Variants in CYP3A7 observed in about 807,000 individuals in gnomAD.
The protein encoded by CYP3A7 is cytochrome P450 3A7.
CYP3A7 carries 45 observed loss-of-function variants against 55.2 expected under a neutral mutation model. That is an observed-to-expected ratio of 0.82 (90% CI 0.64 to 1.05). The LOEUF is 1.05. Ranked by LOEUF, CYP3A7 falls within the 50% of genes least tolerant of loss-of-function variation. The pLI, the probability that CYP3A7 is intolerant of heterozygous loss-of-function variation, is 0.00. For missense variants in CYP3A7, 548 were observed against 605.3 expected (o/e 0.91, Z 0.99); for synonymous variants, 180 against 207.4 (o/e 0.87, Z 1.13).
chr7:99,712,650 T>TGATA (rs138482797), intron 9 of CYP3A7, among the ~76,000 whole-genome samples: 1 of 152,110 alleles, frequency 6.6e-6, no homozygotes, highest in African/African-American at 2.4e-5. Context: ...GATGGACAGA[T>TGATA]GATAGATAGA....
chr7:99,733,463 T>C (rs1477681417), intron 1 of CYP3A7, among the ~76,000 whole-genome samples: 1 of 152,182 alleles, frequency 6.6e-6, no homozygotes, highest in Non-Finnish European at 1.5e-5. Flanking sequence ...ATCTATTGCA[T>C]GTAATTGTAT....
intron 1 of CYP3A7, among the ~76,000 whole-genome samples, chr7:99,731,745 G>A (rs1030779376): frequency 1.6e-4 from 25 of 152,216 alleles, no homozygotes; most frequent in African/African-American, 5.3e-4. Context: ...GAGAGGTCTT[G>A]GAGGAGTCAC....
intron 2 of CYP3A7, among the ~76,000 whole-genome samples, chr7:99,726,357 C>T (rs779959636): frequency 1.4e-4 from 22 of 152,184 alleles, no homozygotes; most frequent in Non-Finnish European, 3.2e-4. Flanking sequence ...ATAATTCCCC[C>T]ATCTTACCTG....
intron 1 of CYP3A7, among the ~76,000 whole-genome samples, chr7:99,733,493 T>A (rs1814707504): frequency 6.6e-6 from 1 of 152,208 alleles, no homozygotes; most frequent in Non-Finnish European, 1.5e-5. Flanking sequence ...AAGGGCATGG[T>A]CTACACTATA....
At chr7:99,731,394 A>C (rs572683984) in intron 1 of CYP3A7, among the ~76,000 whole-genome samples, 105 of 152,338 alleles carry the variant, frequency 6.9e-4, no homozygotes, top group African/African-American at 2.4e-3. Flanking sequence ...TCATGGCCCC[A>C]GTCTGGGATG....
At chr7:99,728,109 C>T (rs1056097557) in intron 2 of CYP3A7, among the ~76,000 whole-genome samples, 2 of 152,182 alleles carry the variant, frequency 1.3e-5, no homozygotes, top group African/African-American at 2.4e-5. Flanking sequence ...TTTACTCTCC[C>T]ACTGAAGTTT....
intron 2 of CYP3A7, among the ~76,000 whole-genome samples, chr7:99,728,354 C>G (rs1814493533): frequency 1.3e-5 from 2 of 152,208 alleles, no homozygotes; most frequent in African/African-American, 2.4e-5. Flanking sequence ...CCCATTCCCC[C>G]TTCTTGTTTA....
Position 99,705,359 on chromosome 7 carries a change from G to T in CYP3A7, c.*141C>A. 8.4e-6 allele frequency: 8 copies of T among 953,560 alleles called. No homozygotes were observed. Among genetic ancestry groups the T allele is most frequent in the African/African-American group, 1.6e-5 (1 of 61,510 alleles). 59.1% of individuals were successfully genotyped at this position (953,560 alleles called of 1,614,324 possible). On this transcript the variant is annotated 3_prime_UTR_variant, in exon 13 of 13. Coordinates refer to ENST00000336374, the MANE Select transcript of CYP3A7 (RefSeq NM_000765.5). ...CAGACCATGAGAGAGCACAATGCAC[G>T]TACAGAATCCCTGATTATTTATGCA... is the stretch of plus-strand genomic sequence containing the variant.
At chr7:99,734,214 G>A (rs1814738030) in intron 1 of CYP3A7, among the ~76,000 whole-genome samples, 1 of 152,190 alleles carries the variant, frequency 6.6e-6, no homozygotes, top group Admixed American at 6.5e-5. Context: ...TGTATTTTCT[G>A]TTTCCATGTG....
chr7:99,705,381 T>G lies in CYP3A7; in HGVS notation c.*119A>C, dbSNP rs1405372834. ...CACGTACAGAATCCCTGATTATTTA[T>G]GCAGCACATTGGATGAAGCCCGTCT... is the stretch of plus-strand genomic sequence containing the variant. On this transcript the variant is annotated 3_prime_UTR_variant, in exon 13 of 13. Coordinates refer to ENST00000336374, the MANE Select transcript of CYP3A7 (RefSeq NM_000765.5). 8.8e-7 allele frequency: 1 copy of G among 1,130,896 alleles called. No individual in the cohort carries two copies. The highest frequency in any genetic ancestry group is 2.5e-5 in the East Asian group (1 of 40,566). The allele number at this position is 1,130,896 out of a possible 1,614,324, so 70.1% of individuals were successfully genotyped here. A position where few individuals can be genotyped will look rare whatever the true frequency, so the allele number is the denominator to read the frequency against.
At chr7:99,720,525 A>G in intron 3 of CYP3A7, 113 bp from the exon 4 acceptor site, 1 of 1,142,910 alleles carries the variant, frequency 8.7e-7, no homozygotes, top group South Asian at 1.3e-5. Context: ...TAGATGTACA[A>G]TACACAGTAA....
At chr7:99,734,822 A>G (rs1200709489) in intron 1 of CYP3A7, among the ~76,000 whole-genome samples, 1 of 152,008 alleles carries the variant, frequency 6.6e-6, no homozygotes, top group Non-Finnish European at 1.5e-5. Flanking sequence ...GGGTTTCACC[A>G]TATTAGCCAG....
chr7:99,709,258 G>A lies in CYP3A7; in HGVS notation c.1030C>T (p.Pro344Ser), dbSNP rs1227732649. The A allele has an allele frequency of 1.2e-6, 2 of 1,613,672 alleles. No individual in the cohort carries two copies. Among genetic ancestry groups the A allele is most frequent in the Non-Finnish European group, 1.7e-6 (2 of 1,179,840 alleles). Reference sequence around the variant, plus strand: ...TGTAGCACAGTATCATAGGTGGGTGGTGCCTGAAAAGAAAGAAACAGATTT... The same window carrying A: ...TGTAGCACAGTATCATAGGTGGGTGATGCCTGAAAAGAAAGAAACAGATTT... Reference protein sequence around the residue: ...EIDTVLPNKAPPTYDTVLQLE... With the variant: ...EIDTVLPNKASPTYDTVLQLE... The change falls in exon 11 of 13, where the codon CCA (proline) becomes TCA (serine). Residue 344 changes from proline (P) to serine (S), a missense_variant. Transcript: ENST00000336374.
intron 4 of CYP3A7, among the ~76,000 whole-genome samples, chr7:99,718,009 C>T (rs1228284130): frequency 2.0e-5 from 3 of 151,968 alleles, no homozygotes; most frequent in Non-Finnish European, 4.4e-5. Flanking sequence ...TTTATGTTCA[C>T]CTAAACCATG....
At chr7:99,709,355 G>T in intron 10 of CYP3A7, 94 bp from the exon 11 acceptor site, 1 of 1,525,330 alleles carries the variant, frequency 6.6e-7, no homozygotes, top group Non-Finnish European at 8.9e-7. Flanking sequence ...AGAAGTTCCA[G>T]AGAACAACTC....
rs759985742 is a variant in CYP3A7 at position 99,717,158 on chromosome 7, T to C, written c.521+19A>G. 3 of 1,613,638 alleles carry C rather than the reference T, an allele frequency of 1.9e-6. No homozygotes were observed. Among genetic ancestry groups the C allele is most frequent in the African/African-American group, 2.7e-5 (2 of 74,896 alleles). Reference sequence around the variant, plus strand: ...GGGCTCATGACAGCTCAGAACCCCATGGCTGTGCTCCTACTTACTGTTTCA... The same window carrying C: ...GGGCTCATGACAGCTCAGAACCCCACGGCTGTGCTCCTACTTACTGTTTCA... On this transcript the variant is annotated intron_variant, in intron 6 of 12. Coordinates refer to ENST00000336374, the MANE Select transcript of CYP3A7 (RefSeq NM_000765.5).
intron 9 of CYP3A7, among the ~76,000 whole-genome samples, chr7:99,711,658 C>T (rs566122250): frequency 6.6e-6 from 1 of 152,280 alleles, no homozygotes. Flanking sequence ...ATCCCAGCTA[C>T]TTGGGAGGCT....
chr7:99,709,326 G>A, intron 10 of CYP3A7, 65 bp from the exon 11 acceptor site: 1 of 1,569,136 alleles, frequency 6.4e-7, no homozygotes, highest in Non-Finnish European at 8.7e-7. Flanking sequence ...CTCAGTCCAT[G>A]TAGTACTGTT....
At chr7:99,710,663 G>A in intron 10 of CYP3A7, 69 bp downstream of exon 10, 1 of 1,611,628 alleles carries the variant, frequency 6.2e-7, no homozygotes, top group Non-Finnish European at 8.5e-7. Context: ...ATTCTCCTGG[G>A]AAGTGGTGAG....
Sources: gnomAD v4.1 joint callset for allele counts (sites outside exome capture counted in the v4.1 genomes callset) on GRCh38, gnomAD v4.1.1 for gene constraint, MANE v1.5 for transcripts, NCBI Gene and HGNC (gene_info 2026-07-23, HGNC 2026-07-21) for gene names.